Variants in AGK observed in about 807,000 individuals in gnomAD.
The protein encoded by AGK is acylglycerol kinase.
Under a neutral mutation model 66.4 loss-of-function variants are expected in AGK, and 52 were observed. The ratio of observed to expected loss-of-function variants is 0.78; its 90% CI spans 0.63 to 0.99. The LOEUF is 0.99. Ranked by LOEUF, AGK falls within the 50% of genes least tolerant of loss-of-function variation. The pLI is 0.00. For missense variants in AGK, 451 were observed against 506.6 expected (o/e 0.89, Z 1.05); for synonymous variants, 182 against 181.1 (o/e 1.00, Z -0.04).
intron 2 of AGK, among the ~76,000 whole-genome samples, chr7:141,581,130 C>T (rs892696477): frequency 6.6e-5 from 10 of 151,728 alleles, no homozygotes; most frequent in Non-Finnish European, 1.2e-4. Context: ...AGAATTATGC[C>T]GATATACGTA....
chr7:141,584,643 A>T (rs1019953504), intron 2 of AGK, among the ~76,000 whole-genome samples: 11 of 152,200 alleles, frequency 7.2e-5, no homozygotes, highest in Non-Finnish European at 1.3e-4. Context: ...CACACATTTG[A>T]CCTAAAAATT....
At chr7:141,558,171 T>C (rs1441245650) in intron 2 of AGK, among the ~76,000 whole-genome samples, 1 of 152,078 alleles carries the variant, frequency 6.6e-6, no homozygotes, top group African/African-American at 2.4e-5. Context: ...TTTTCTTTTT[T>C]TTTTGAGACG....
chr7:141,633,978 C>T lies in AGK; in HGVS notation c.666C>T (p.Ser222=), dbSNP rs1257836846. ...GSFRDAGVKV[S]KYWYLGPLKI... ...TCAGAGATGCTGGCGTCAAAGTTAG[C>T]AAGTAAAGGATTACTATATTGATGT... The change falls in exon 10 of 16, where the codon AGC becomes AGT. Residue 222 remains serine (S), a splice_region_variant and synonymous_variant. Transcript: ENST00000649286. 2 of 1,612,558 alleles carry T rather than the reference C, an allele frequency of 1.2e-6. No homozygotes were observed. The highest frequency in any genetic ancestry group is 1.7e-6 in the Non-Finnish European group (2 of 1,178,652).
chr7:141,559,261 T>A (rs1355030060), intron 2 of AGK, among the ~76,000 whole-genome samples: 1 of 152,168 alleles, frequency 6.6e-6, no homozygotes, highest in Non-Finnish European at 1.5e-5. Context: ...TACATTTAGG[T>A]CTTTAACAGA....
intron 2 of AGK, among the ~76,000 whole-genome samples, chr7:141,589,942 G>C (rs1587098795): frequency 6.6e-6 from 1 of 152,238 alleles, no homozygotes; most frequent in East Asian, 1.9e-4. Flanking sequence ...AGGTGGCATT[G>C]ACAGGATATT....
At chr7:141,585,963 T>C (rs1055536287) in intron 2 of AGK, among the ~76,000 whole-genome samples, 22 of 152,350 alleles carry the variant, frequency 1.4e-4, no homozygotes, top group African/African-American at 4.8e-4. Flanking sequence ...GAAGACAGCA[T>C]GGTGTAGTGG....
intron 8 of AGK, among the ~76,000 whole-genome samples, chr7:141,619,978 A>T (rs1257273727): frequency 1.3e-5 from 2 of 152,252 alleles, no homozygotes; most frequent in East Asian, 1.9e-4. Flanking sequence ...AAATTCCAGT[A>T]CATCCATACA....
intron 9 of AGK, among the ~76,000 whole-genome samples, chr7:141,631,210 A>G (rs577543022): frequency 6.6e-6 from 1 of 152,278 alleles, no homozygotes; most frequent in South Asian, 2.1e-4. Flanking sequence ...ACTGCTAGCA[A>G]TTGAGGATAC....
intron 8 of AGK, among the ~76,000 whole-genome samples, chr7:141,620,218 G>A (rs1382537222): frequency 6.6e-6 from 1 of 152,088 alleles, no homozygotes; most frequent in Admixed American, 6.6e-5. Flanking sequence ...GAACTTCTTG[G>A]GATGTTGAAA....
rs1376867262 is a variant in AGK at position 141,601,206 on chromosome 7, A to G, written c.223A>G (p.Lys75Glu). Residue 75 changes from lysine (K) to glutamate (E), a missense_variant and splice_region_variant, in exon 5 of 16, where the codon AAA becomes GAA. By Grantham distance (56) the Lys-to-Glu change is moderately conservative. Transcript: ENST00000649286. ...TTATATTTTTTCCTTTGTTAACAGA[A>G]AAGCCAGGACTCTATTTGAAAAAAA... ...VFLNPAACKG[K>E]ARTLFEKNAA... 6.8e-6 allele frequency: 11 copies of G among 1,609,616 alleles called. No individual in the cohort carries two copies. The highest frequency in any genetic ancestry group is 7.6e-6 in the Non-Finnish European group (9 of 1,177,304).
chr7:141,621,604 G>T (rs1796826615), intron 8 of AGK, 128 bp from the exon 9 acceptor site: 3 of 677,712 alleles, frequency 4.4e-6, no homozygotes, highest in Non-Finnish European at 7.9e-6. Context: ...GGGAGAGAGA[G>T]AGAGGGAGAG....
chr7:141,584,196 A>G (rs2116904159), intron 2 of AGK, among the ~76,000 whole-genome samples: 1 of 152,240 alleles, frequency 6.6e-6, no homozygotes, highest in African/African-American at 2.4e-5. Flanking sequence ...TAGGTAGTGG[A>G]AAATTATAGT....
intron 3 of AGK, among the ~76,000 whole-genome samples, chr7:141,596,251 A>G (rs1587107810): frequency 1.3e-5 from 2 of 152,228 alleles, no homozygotes; most frequent in Admixed American, 1.3e-4. Context: ...CTGACAGACT[A>G]TGGCCTTACT....
At chr7:141,557,830 C>G (rs1795244939) in intron 2 of AGK, among the ~76,000 whole-genome samples, 1 of 152,144 alleles carries the variant, frequency 6.6e-6, no homozygotes, top group African/African-American at 2.4e-5. Context: ...ACTATTTAGC[C>G]TTTTTAAAAA....
At chr7:141,637,260 T>C (rs1002221563) in intron 11 of AGK, among the ~76,000 whole-genome samples, 2 of 152,162 alleles carry the variant, frequency 1.3e-5, no homozygotes, top group Non-Finnish European at 2.9e-5. Flanking sequence ...TCTTAAGCAT[T>C]CTACTTGCCT....
At chr7:141,568,213 T>C (rs1424608213) in intron 2 of AGK, among the ~76,000 whole-genome samples, 1 of 152,164 alleles carries the variant, frequency 6.6e-6, no homozygotes, top group African/African-American at 2.4e-5. Context: ...ACAAGACAGC[T>C]TGGAAAAGTA....
At chr7:141,615,685 G>T in intron 8 of AGK, 120 bp downstream of exon 8, 1 of 804,588 alleles carries the variant, frequency 1.2e-6, no homozygotes, top group Admixed American at 2.0e-5. Flanking sequence ...TAATTAAGAG[G>T]AGGACCTAGA....
chr7:141,575,632 C>CTT (rs1795718385), intron 2 of AGK, among the ~76,000 whole-genome samples: 1 of 112,982 alleles, frequency 8.9e-6, no homozygotes, highest in African/African-American at 3.4e-5. Context: ...GGAAATTGGG[C>CTT]TTAGATGCCT....
At chr7:141,608,456 A>T (rs1796509771) in intron 5 of AGK, among the ~76,000 whole-genome samples, 1 of 152,170 alleles carries the variant, frequency 6.6e-6, no homozygotes, top group Non-Finnish European at 1.5e-5. Context: ...TATTTGAAGC[A>T]TGGTAAAGAG....
Sources: gnomAD v4.1 joint callset for allele counts (sites outside exome capture counted in the v4.1 genomes callset) on GRCh38, gnomAD v4.1.1 for gene constraint, MANE v1.5 for transcripts, NCBI Gene and HGNC (gene_info 2026-07-23, HGNC 2026-07-21) for gene names.